Variants in DOK6 observed in about 807,000 individuals in gnomAD.
DOK6 encodes docking protein 6.
DOK6 carries 22 observed loss-of-function variants against 44.0 expected under a neutral mutation model. That is an observed-to-expected ratio of 0.50 (90% CI 0.36 to 0.71). The LOEUF (loss-of-function observed/expected upper bound fraction) is 0.71. Ranked by LOEUF, DOK6 falls within the 30% of genes least tolerant of loss-of-function variation. The probability of loss-of-function intolerance (pLI) is 0.00; values close to 1 mark genes in which losing one functional copy is unlikely to be tolerated. For missense variants in DOK6, 340 were observed against 416.4 expected, an observed-to-expected ratio of 0.82 and a Z score of 1.60; for synonymous variants, 166 against 145.5, an observed-to-expected ratio of 1.14 and a Z score of -1.01.
At position 69,783,207 on chromosome 18, in the gene DOK6, C is replaced by G. The variant is rs568380507; in HGVS notation, c.856+25334C>G. On this transcript the variant is annotated intron_variant, in intron 7 of 7. Coordinates refer to ENST00000382713, the MANE Select transcript of DOK6 (RefSeq NM_152721.6). ...TTCCAAAGGAGTGGCCACACGACAG[C>G]GAAGCCAACACTAGCACTGTGCATC... Among the ~76,000 whole-genome samples, 83 of 152,308 alleles carry G rather than the reference C, an allele frequency of 5.4e-4. 2 individuals are homozygous for G. Among genetic ancestry groups the G allele is most frequent in the African/African-American group, 1.8e-3 (73 of 41,572 alleles).
chr18:69,750,445 C>T (rs76055545), intron 6 of DOK6, among the ~76,000 whole-genome samples: 1,626 of 152,140 alleles, frequency 0.011, 29 homozygotes, highest in African/African-American at 0.037. Context: ...TTTCAAAAGA[C>T]ATAAAAATGG....
At chr18:69,569,799 A>G (rs1228355349) in intron 2 of DOK6, among the ~76,000 whole-genome samples, 2 of 152,184 alleles carry the variant, frequency 1.3e-5, no homozygotes, top group Non-Finnish European at 2.9e-5. Flanking sequence ...AATACCAAGG[A>G]CATGGAACCA....
chr18:69,674,018 C>T (rs1985865756), intron 3 of DOK6, among the ~76,000 whole-genome samples: 1 of 151,980 alleles, frequency 6.6e-6, no homozygotes, highest in South Asian at 2.1e-4. Flanking sequence ...CAGATTATTG[C>T]ATTTGTATTG....
chr18:69,729,697 G>T (rs143183270), intron 5 of DOK6, among the ~76,000 whole-genome samples: 2 of 152,026 alleles, frequency 1.3e-5, no homozygotes, highest in African/African-American at 4.8e-5. Context: ...AAATACACCC[G>T]CCAAGGGAAA....
chr18:69,569,448 A>G (rs954309262), intron 2 of DOK6, among the ~76,000 whole-genome samples: 1 of 152,224 alleles, frequency 6.6e-6, no homozygotes, highest in Non-Finnish European at 1.5e-5. Context: ...GATAAATGTA[A>G]CAGAATCCAG....
chr18:69,508,665 G>T (rs908958832), intron 1 of DOK6, among the ~76,000 whole-genome samples: 2 of 152,166 alleles, frequency 1.3e-5, no homozygotes, highest in Non-Finnish European at 2.9e-5. Context: ...TATTAAAATT[G>T]GCGTGATGGG....
At chr18:69,404,867 G>T (rs537207557) in intron 1 of DOK6, among the ~76,000 whole-genome samples, 2 of 152,130 alleles carry the variant, frequency 1.3e-5, no homozygotes, top group South Asian at 2.1e-4. Flanking sequence ...CACAGTTTAA[G>T]AGGCAGTGTA....
chr18:69,607,425 G>A (rs9319786), intron 3 of DOK6, among the ~76,000 whole-genome samples: 58,599 of 151,842 alleles, frequency 0.39, 11,267 homozygotes, highest in Middle Eastern at 0.53. Context: ...GTAAATATTC[G>A]AGAGCGATTT....
At chr18:69,467,113 A>T (rs1466351071) in intron 1 of DOK6, among the ~76,000 whole-genome samples, 2 of 152,178 alleles carry the variant, frequency 1.3e-5, no homozygotes, top group Non-Finnish European at 2.9e-5. Flanking sequence ...AATATGATAC[A>T]GGCAAACTAT....
At chr18:69,693,838 C>T (rs897457392) in intron 4 of DOK6, among the ~76,000 whole-genome samples, 1 of 151,566 alleles carries the variant, frequency 6.6e-6, no homozygotes, top group African/African-American at 2.4e-5. Context: ...GCGGGCGGAT[C>T]ATGAGGTCAG....
At chr18:69,637,745 T>C (rs1051820783) in intron 3 of DOK6, among the ~76,000 whole-genome samples, 2 of 142,812 alleles carry the variant, frequency 1.4e-5, no homozygotes, top group Non-Finnish European at 3.1e-5. Context: ...TCTTTTTTTT[T>C]AAACCAGCAA....
At chr18:69,516,316 T>C (rs1455439779) in intron 1 of DOK6, among the ~76,000 whole-genome samples, 1 of 151,984 alleles carries the variant, frequency 6.6e-6, no homozygotes, top group Non-Finnish European at 1.5e-5. Flanking sequence ...ATGATACAAA[T>C]ATTAGTGGTA....
intron 1 of DOK6, among the ~76,000 whole-genome samples, chr18:69,556,252 T>G (rs1465802481): frequency 2.0e-5 from 3 of 152,138 alleles, no homozygotes; most frequent in Non-Finnish European, 4.4e-5. Flanking sequence ...CGCTGGCCCC[T>G]TGCAGCTCTT....
At chr18:69,737,749 G>T (rs756583668) in intron 5 of DOK6, among the ~76,000 whole-genome samples, 14 of 152,118 alleles carry the variant, frequency 9.2e-5, no homozygotes, top group Admixed American at 8.5e-4. Context: ...AAGCTCTTGC[G>T]CGGGGCAGAG....
intron 4 of DOK6, among the ~76,000 whole-genome samples, chr18:69,684,321 TC>T (rs1275080860): frequency 6.6e-6 from 1 of 152,188 alleles, no homozygotes; most frequent in Middle Eastern, 3.2e-3. Flanking sequence ...GTGCTTCTCT[TC>T]TCACAATGTC....
chr18:69,500,744 AATC>A (rs1981025619), intron 1 of DOK6, among the ~76,000 whole-genome samples: 1 of 152,188 alleles, frequency 6.6e-6, no homozygotes, highest in Admixed American at 6.5e-5. Flanking sequence ...AATAATATGT[AATC>A]TTATAATCAC....
intron 2 of DOK6, among the ~76,000 whole-genome samples, chr18:69,582,082 A>G (rs1983384192): frequency 6.6e-6 from 1 of 152,212 alleles, no homozygotes; most frequent in African/African-American, 2.4e-5. Context: ...ACTTTTTTTA[A>G]TGTAAAGGGT....
At chr18:69,787,722 T>C (rs1980474526) in intron 7 of DOK6, among the ~76,000 whole-genome samples, 1 of 152,188 alleles carries the variant, frequency 6.6e-6, no homozygotes, top group African/African-American at 2.4e-5. Flanking sequence ...ATACAGTACC[T>C]GTTTTCAAAC....
At chr18:69,471,874 A>T (rs1410578817) in intron 1 of DOK6, 1 of 152,144 alleles carries the variant, frequency 6.6e-6, no homozygotes, top group Admixed American at 6.5e-5. Flanking sequence ...TCAATGATGA[A>T]TTCTGTTTTG....
Sources: gnomAD v4.1 joint callset for allele counts (sites outside exome capture counted in the v4.1 genomes callset) on GRCh38, gnomAD v4.1.1 for gene constraint, MANE v1.5 for transcripts, NCBI Gene and HGNC (gene_info 2026-07-23, HGNC 2026-07-21) for gene names.